SMARCD2: variants seen among roughly 807,000 people sequenced by gnomAD.
SMARCD2 encodes SWI/SNF-related matrix-associated actin-dependent regulator of chromatin subfamily D member 2.
Under a neutral mutation model 70.4 loss-of-function variants are expected in SMARCD2, and 39 were observed. That is an observed-to-expected ratio of 0.55 (90% CI 0.43 to 0.72). The LOEUF (loss-of-function observed/expected upper bound fraction) is 0.72, where lower values mean the gene tolerates loss of function less well. Ranked by LOEUF, SMARCD2 falls within the 30% of genes least tolerant of loss-of-function variation. The probability of loss-of-function intolerance (pLI) is 0.00; values close to 1 mark genes in which losing one functional copy is unlikely to be tolerated. For missense variants in SMARCD2, 540 were observed against 713.4 expected, an observed-to-expected ratio of 0.76 and a Z score of 2.77; for synonymous variants, 249 against 279.4, an observed-to-expected ratio of 0.89 and a Z score of 1.08.
chr17:63,841,130 C>A (rs530511224), intron 1 of SMARCD2, among the ~76,000 whole-genome samples: 13 of 152,384 alleles, frequency 8.5e-5, no homozygotes, highest in African/African-American at 3.1e-4. Context: ...GCCCATGAAT[C>A]CCCAACGGGG....
At chr17:63,838,992 G>T in intron 1 of SMARCD2, 1 of 985,378 alleles carries the variant, frequency 1.0e-6, no homozygotes, top group Non-Finnish European at 1.2e-6. Flanking sequence ...GGAGGAGCAG[G>T]GTGGGACGGA....
chr17:63,838,944 G>A (rs1050364476), intron 1 of SMARCD2: 7 of 985,242 alleles, frequency 7.1e-6, no homozygotes, highest in Non-Finnish European at 8.4e-6. Flanking sequence ...ATGCGGAGAT[G>A]GAAAGAAACA....
At chr17:63,841,457 G>A (rs559761883) in intron 1 of SMARCD2, among the ~76,000 whole-genome samples, 1 of 152,348 alleles carries the variant, frequency 6.6e-6, no homozygotes, top group Non-Finnish European at 1.5e-5. Context: ...GGCTTCGGAC[G>A]TGGTGGAGTT....
At chr17:63,836,349 T>C (rs1016108077) in intron 4 of SMARCD2, among the ~76,000 whole-genome samples, 2 of 151,708 alleles carry the variant, frequency 1.3e-5, no homozygotes, top group African/African-American at 2.4e-5. Flanking sequence ...AATACAAAAA[T>C]TAGCCGGGCG....
rs1345277227 is a variant in SMARCD2, at chr17:63,834,043, G to C, written c.1084-37C>G. ...ACGAAAGGCTCAGCGTTGGCTTGTGGGCACAGTGGAGTGGACCATTCCAGG... is the reference window on the plus strand; with the variant it reads ...ACGAAAGGCTCAGCGTTGGCTTGTGCGCACAGTGGAGTGGACCATTCCAGG... On this transcript the variant is annotated intron_variant, in intron 8 of 12. Transcript: ENST00000448276. This position sits in a 1 kb window ranked among gnomAD's most constrained non-coding sequence, Gnocchi z 5.6. 2 of 1,600,976 alleles carry C rather than the reference G, an allele frequency of 1.2e-6. No individual in the cohort carries two copies. Among genetic ancestry groups the C allele is most frequent in the Non-Finnish European group, 1.7e-6 (2 of 1,168,190 alleles).
At position 63,833,425 on chromosome 17, in the gene SMARCD2, A is replaced by T. The variant is rs745428689; in HGVS notation, c.1318-5T>A. The T allele has an allele frequency of 6.2e-7, 1 of 1,613,900 alleles. No individual in the cohort carries two copies. Among genetic ancestry groups the T allele is most frequent in the Non-Finnish European group, 8.5e-7 (1 of 1,179,872 alleles). On this transcript the variant is annotated splice_polypyrimidine_tract_variant and splice_region_variant and intron_variant, in intron 10 of 12. Transcript: ENST00000448276. The surrounding 1 kb of genome is among the most constrained non-coding windows in gnomAD (Gnocchi z 4.3). Reference sequence around the variant, plus strand: ...GGACTCAATGGTCTCATGGATCTGGAGAGGGTACCTGTGTCAGACTGTGCC... The same window carrying T: ...GGACTCAATGGTCTCATGGATCTGGTGAGGGTACCTGTGTCAGACTGTGCC...
intron 5 of SMARCD2, chr17:63,835,130 CTT>C (rs1238468539): frequency 1.9e-6 from 1 of 521,888 alleles, no homozygotes; most frequent in East Asian, 3.3e-5. Flanking sequence ...CTGGCCCAGT[CTT>C]TTTTTTTCTG....
chr17:63,839,250 G>A, intron 1 of SMARCD2: 1 of 985,374 alleles, frequency 1.0e-6, no homozygotes, highest in Non-Finnish European at 1.2e-6. Context: ...ACAAAGACAG[G>A]GAAGAACTGA....
In SMARCD2 at chr17:63,833,831, T is replaced by TCA; in HGVS notation, c.1181+77_1181+78insTG. 6.4e-7 allele frequency: 1 copy of TCA among 1,553,930 alleles called. No individual in the cohort carries two copies. Among genetic ancestry groups the TCA allele is most frequent in the Non-Finnish European group, 8.9e-7 (1 of 1,128,310 alleles). ...CACACTCAGGGAAAAAGAAACCTGA[T>TCA]GCTTTCTTTGGCTTTAGTTCAAGCC... On this transcript the variant is annotated intron_variant, in intron 9 of 12. Coordinates refer to ENST00000448276, the MANE Select transcript of SMARCD2 (RefSeq NM_001098426.2). This position sits in a 1 kb window ranked among gnomAD's most constrained non-coding sequence, Gnocchi z 4.3.
At position 63,833,679 on chromosome 17, in the gene SMARCD2, C is replaced by G; in HGVS notation, c.1225G>C (p.Asp409His). 6.2e-7 allele frequency: 1 copy of G among 1,613,948 alleles called. No individual in the cohort carries two copies. The change falls in exon 10 of 13, where the codon GAT (aspartate) becomes CAT (histidine). Residue 409 changes from aspartate to histidine, a missense_variant. Coordinates refer to ENST00000448276, the MANE Select transcript of SMARCD2 (RefSeq NM_001098426.2). This position sits in a 1 kb window ranked among gnomAD's most constrained non-coding sequence, Gnocchi z 4.3. ...TTCAGTGGGTCGTCCACCTCCACAT[C>G]GATGTCGTAACAGGCTGTCTTCTTC... is the stretch of plus-strand genomic sequence containing the variant. ...DQKKTACYDIDVEVDDPLKAQ... is the reference protein window; with the variant it reads ...DQKKTACYDIHVEVDDPLKAQ...
In SMARCD2 at chr17:63,833,197, A is replaced by G; in HGVS notation, c.1441-27T>C. ...TGCAAAGAGCCAGGAGGAAAGCCAT[A>G]GCATAATCCCCACCCCTGGGCTAAT... On this transcript the variant is annotated intron_variant, in intron 11 of 12. Coordinates refer to ENST00000448276, the MANE Select transcript of SMARCD2 (RefSeq NM_001098426.2). This position sits in a 1 kb window ranked among gnomAD's most constrained non-coding sequence, Gnocchi z 4.3. 1.2e-6 allele frequency: 2 copies of G among 1,609,160 alleles called. No individual in the cohort carries two copies. The highest frequency in any genetic ancestry group is 1.1e-5 in the South Asian group (1 of 90,554).
chr17:63,839,190 C>G, intron 1 of SMARCD2: 2 of 985,396 alleles, frequency 2.0e-6, no homozygotes, highest in Non-Finnish European at 2.4e-6. Flanking sequence ...GTGGCTACAG[C>G]TGTAAGCCCA....
chr17:63,833,749 G>A lies in SMARCD2; in HGVS notation c.1182-27C>T, dbSNP rs2040226773. On this transcript the variant is annotated intron_variant, in intron 9 of 12. Coordinates refer to ENST00000448276, the MANE Select transcript of SMARCD2 (RefSeq NM_001098426.2). This position sits in a 1 kb window ranked among gnomAD's most constrained non-coding sequence, Gnocchi z 4.3. ...TGCAGGCAGCACATGGGGAGGGAAG[G>A]CACATAGCTGACTTCATCCTGCCCA... 1 of 1,610,674 alleles carries A rather than the reference G, an allele frequency of 6.2e-7. No homozygotes were observed.
intron 1 of SMARCD2, 127 bp downstream of exon 1, chr17:63,842,332 G>T: frequency 1.7e-6 from 2 of 1,181,934 alleles, no homozygotes; most frequent in East Asian, 4.4e-5. Context: ...GTCCCGGCCC[G>T]CCCTCCACCG....
At chr17:63,839,497 T>A (rs952439130) in intron 1 of SMARCD2, among the ~76,000 whole-genome samples, 1 of 151,446 alleles carries the variant, frequency 6.6e-6, no homozygotes, top group Admixed American at 6.6e-5. Flanking sequence ...GAAGGCTGCT[T>A]ATAGTTCAAG....
intron 1 of SMARCD2, among the ~76,000 whole-genome samples, chr17:63,839,886 T>C (rs1219972427): frequency 2.0e-5 from 3 of 152,156 alleles, no homozygotes; most frequent in Non-Finnish European, 4.4e-5. Context: ...CCCAGCACTT[T>C]GGGAGGCCGA....
In SMARCD2 at chr17:63,836,500, GAAA is replaced by G. The variant is rs61376475; in HGVS notation, c.567+419_567+421del. Among the ~76,000 whole-genome samples the G allele has an allele frequency of 9.5e-3, 613 of 64,790 alleles. 5 individuals carry two copies. The highest frequency in any genetic ancestry group is 0.028 in the African/African-American group (563 of 19,866). The allele number at this position is 64,790 out of a possible 152,430, so 42.5% of individuals were successfully genotyped here. On this transcript the variant is annotated intron_variant, in intron 4 of 12. Transcript: ENST00000448276. ...GGTGAAAGAGCGAGACTCCATCTCA[GAAA>G]AAAAAAAAAAAAAAAAAAAGAAAAT... is the stretch of plus-strand genomic sequence containing the variant.
chr17:63,835,114 A>T (rs963072293), intron 5 of SMARCD2: 3 of 532,256 alleles, frequency 5.6e-6, no homozygotes, highest in African/African-American at 1.9e-5. Flanking sequence ...GGGAGCGCCC[A>T]AGTGTCTGGC....
At chr17:63,840,112 G>A (rs981145214) in intron 1 of SMARCD2, among the ~76,000 whole-genome samples, 6 of 151,788 alleles carry the variant, frequency 4.0e-5, no homozygotes, top group African/African-American at 1.5e-4. Flanking sequence ...CTGGGCGACA[G>A]AGTGAGACTC....
Sources: allele counts gnomAD v4.1 joint callset (sites outside exome capture counted in the v4.1 genomes callset), GRCh38; gene constraint gnomAD v4.1.1; non-coding constraint Gnocchi (gnomAD v3.1); transcripts MANE v1.5; gene names NCBI Gene and HGNC (gene_info 2026-07-23, HGNC 2026-07-21).